The following PSIP1 variants were observed in gnomAD, a reference collection of about 807,000 sequenced individuals.
PSIP1 encodes PC4 and SFRS1-interacting protein.
PSIP1 carries 19 observed loss-of-function variants against 74.7 expected under a neutral mutation model. That is an observed-to-expected ratio of 0.25 (90% CI 0.18 to 0.37). The LOEUF (loss-of-function observed/expected upper bound fraction) is 0.37, where lower values mean the gene tolerates loss of function less well. Ranked by LOEUF, PSIP1 falls within the 10% of genes least tolerant of loss-of-function variation. PSIP1 has a pLI of 1.00. For synonymous variants in PSIP1, 222 were observed against 195.3 expected (o/e 1.14, Z -1.14); for missense variants, 601 against 614.3 (o/e 0.98, Z 0.23).
intron 6 of PSIP1, among the ~76,000 whole-genome samples, chr9:15,480,182 G>A (rs1280182632): frequency 6.6e-6 from 1 of 152,170 alleles, no homozygotes; most frequent in Non-Finnish European, 1.5e-5. Flanking sequence ...GATTCTCCTG[G>A]AGAGAATGGC....
At chr9:15,475,890 G>A (rs567305430) in intron 8 of PSIP1, among the ~76,000 whole-genome samples, 2 of 152,224 alleles carry the variant, frequency 1.3e-5, no homozygotes, top group East Asian at 3.9e-4. Context: ...TTTAATATAT[G>A]TTAATATAAG....
intron 3 of PSIP1, among the ~76,000 whole-genome samples, chr9:15,504,719 AG>A (rs1586864584): frequency 6.6e-6 from 1 of 151,660 alleles, no homozygotes; most frequent in Admixed American, 6.6e-5. Flanking sequence ...CCTGGGCAAC[AG>A]AGCTAGACTC....
intron 3 of PSIP1, among the ~76,000 whole-genome samples, chr9:15,503,660 CAA>C (rs1180947898): frequency 8.3e-6 from 1 of 121,000 alleles, no homozygotes. Flanking sequence ...ACTCTGTCTC[CAA>C]AAAAAAAAAA....
Position 15,484,826 on chromosome 9 carries a change from T to C in PSIP1, c.456+1180A>G, listed in dbSNP as rs148674850. 1.2e-3 allele frequency among the ~76,000 whole-genome samples: 177 copies of C among 150,622 alleles called. 3 individuals are homozygous for C. The highest frequency in any genetic ancestry group is 4.2e-3 in the African/African-American group (173 of 40,890). ...TACTTGGGAGGCCGAGGCAAGAGAA[T>C]TGTTTGAATTCGGGAGGTGGAGGTT... On this transcript the variant is annotated intron_variant, in intron 6 of 15. Transcript: ENST00000380733.
chr9:15,483,446 T>C (rs1047760725), intron 6 of PSIP1, among the ~76,000 whole-genome samples: 4 of 147,576 alleles, frequency 2.7e-5, no homozygotes, highest in Non-Finnish European at 4.4e-5. Flanking sequence ...ACTTAAAAAA[T>C]CTATAAGATC....
chr9:15,490,439 T>G (rs1046329146), intron 3 of PSIP1, among the ~76,000 whole-genome samples: 4 of 152,022 alleles, frequency 2.6e-5, no homozygotes, highest in Non-Finnish European at 5.9e-5. Flanking sequence ...TCTCACCACT[T>G]TGGGAAGCTG....
intron 3 of PSIP1, among the ~76,000 whole-genome samples, chr9:15,499,098 T>C (rs927615318): frequency 1.3e-5 from 2 of 152,160 alleles, no homozygotes; most frequent in South Asian, 2.1e-4. Flanking sequence ...GATGAGAAAA[T>C]TGAAATTCAA....
At chr9:15,493,014 T>C (rs761575168) in intron 3 of PSIP1, among the ~76,000 whole-genome samples, 103 of 152,140 alleles carry the variant, frequency 6.8e-4, no homozygotes, top group Non-Finnish European at 1.3e-3. Flanking sequence ...GCCAGGAAGG[T>C]CACTGGTATG....
chr9:15,465,692 CCAAA>C (rs1242290554), intron 15 of PSIP1, 112 bp from the exon 16 acceptor site: 2 of 843,490 alleles, frequency 2.4e-6, no homozygotes, highest in East Asian at 2.7e-5. Context: ...CTGAAACCAA[CCAAA>C]CAAAAGAAAA....
In PSIP1 at chr9:15,506,646, A is replaced by G. The variant is rs1207005900; in HGVS notation, c.73-9T>C. 4.4e-6 allele frequency: 7 copies of G among 1,586,826 alleles called. No homozygotes were observed. The highest frequency in any genetic ancestry group is 1.7e-4 in the Middle Eastern group (1 of 5,906). On this transcript the variant is annotated splice_polypyrimidine_tract_variant and intron_variant, in intron 2 of 15. Coordinates refer to ENST00000380733, the MANE Select transcript of PSIP1 (RefSeq NM_033222.5). ...TCAGGAACTTCGTCTACCTAAAAGA[A>G]AAGTGAGAAAAATTAAAATATTTTA...
At chr9:15,481,450 C>T (rs966599556) in intron 6 of PSIP1, among the ~76,000 whole-genome samples, 2 of 152,192 alleles carry the variant, frequency 1.3e-5, no homozygotes, top group African/African-American at 2.4e-5. Flanking sequence ...TCCCACTCAG[C>T]GCTTTGGGAG....
In PSIP1 at chr9:15,469,910, A is replaced by T. The variant is rs200222580; in HGVS notation, c.1033+28T>A. 2.2e-5 allele frequency: 35 copies of T among 1,570,960 alleles called. No homozygotes were observed. In the African/African-American group the frequency reaches 4.5e-4, roughly 20 times the overall value. On this transcript the variant is annotated intron_variant, in intron 11 of 15. Transcript: ENST00000380733. ...TAACTTCTTTTCCATGTATAATTTTATGTATCTTAGAAAGTGAAATAACTA... is the reference window on the plus strand; with the variant it reads ...TAACTTCTTTTCCATGTATAATTTTTTGTATCTTAGAAAGTGAAATAACTA...
intron 7 of PSIP1, 127 bp from the exon 8 acceptor site, chr9:15,478,679 T>C (rs1381800403): frequency 1.6e-6 from 1 of 609,046 alleles, no homozygotes; most frequent in Admixed American, 3.0e-5. Context: ...GATACAATTA[T>C]TGCTAAATTG....
At chr9:15,480,690 G>A (rs559879515) in intron 6 of PSIP1, among the ~76,000 whole-genome samples, 4 of 152,226 alleles carry the variant, frequency 2.6e-5, no homozygotes, top group Non-Finnish European at 5.9e-5. Flanking sequence ...GGGAGGCCAA[G>A]GTGAGTGGAT....
chr9:15,475,184 T>A (rs1587470602), intron 8 of PSIP1, among the ~76,000 whole-genome samples: 1 of 152,210 alleles, frequency 6.6e-6, no homozygotes, highest in Non-Finnish European at 1.5e-5. Context: ...ATTATATAAT[T>A]ATCATTGGGT....
At chr9:15,500,700 A>C (rs2037302430) in intron 3 of PSIP1, among the ~76,000 whole-genome samples, 1 of 152,222 alleles carries the variant, frequency 6.6e-6, no homozygotes, top group African/African-American at 2.4e-5. Flanking sequence ...GACGGGTTTT[A>C]AAACAGCCTG....
rs767922897 is a variant in PSIP1, at chr9:15,497,325, C to CTTTTTTTTTTT, written c.150-7212_150-7202dup. Among the ~76,000 whole-genome samples the CTTTTTTTTTTT allele has an allele frequency of 6.4e-4, 76 of 118,546 alleles. 7 individuals are homozygous for CTTTTTTTTTTT. The highest frequency in any genetic ancestry group is 1.6e-3 in the African/African-American group (40 of 24,860). The allele number at this position is 118,546 out of a possible 152,430, so 77.8% of individuals were successfully genotyped here. Reference sequence around the variant, plus strand: ...CTGAAGACCACACGTTCTATGATTCCTTTTTTTTTTTTTTTTGAGACAGAG... The same window carrying CTTTTTTTTTTT: ...CTGAAGACCACACGTTCTATGATTCCTTTTTTTTTTTTTTTTTTTTTTTTTTTGAGACAGAG... On this transcript the variant is annotated intron_variant, in intron 3 of 15. Transcript: ENST00000380733.
intron 1 of PSIP1, 60 bp from the exon 2 acceptor site, chr9:15,510,389 G>T: frequency 2.7e-6 from 1 of 367,358 alleles, no homozygotes; most frequent in Non-Finnish European, 4.9e-6. Flanking sequence ...GCCGCAAGGG[G>T]AGGGGGAGGG....
chr9:15,504,684 C>T (rs982537715), intron 3 of PSIP1, among the ~76,000 whole-genome samples: 3 of 150,408 alleles, frequency 2.0e-5, no homozygotes, highest in South Asian at 2.1e-4. Flanking sequence ...ATGCAGTGAG[C>T]GGAGATCATG....
Sources: gnomAD v4.1 joint callset for allele counts (sites outside exome capture counted in the v4.1 genomes callset) on GRCh38, gnomAD v4.1.1 for gene constraint, MANE v1.5 for transcripts, NCBI Gene and HGNC (gene_info 2026-07-23, HGNC 2026-07-21) for gene names.